PIK3C2G: variants seen among roughly 807,000 people sequenced by gnomAD.
The protein encoded by PIK3C2G is phosphatidylinositol 3-kinase C2 domain-containing subunit gamma.
In PIK3C2G, 168 loss-of-function variants were observed where a neutral mutation model predicts 181.1. That is an observed-to-expected ratio of 0.93 (90% confidence interval 0.82 to 1.05). The LOEUF (loss-of-function observed/expected upper bound fraction) is 1.05, where lower values mean the gene tolerates loss of function less well. PIK3C2G is among the 50% of genes least tolerant of loss of function. The pLI, the probability that PIK3C2G is intolerant of heterozygous loss-of-function variation, is 0.00. For synonymous variants in PIK3C2G, 573 were observed against 592.2 expected (o/e 0.97, Z 0.47); for missense variants, 1,869 against 1,732.8 (o/e 1.08, Z -1.40).
At position 18,491,620 on chromosome 12, in the gene PIK3C2G, T is replaced by C. The variant is rs1314956124; in HGVS notation, c.2793+62T>C. The C allele has an allele frequency of 7.5e-6, 7 of 928,854 alleles. 1 individual carries two copies. Among genetic ancestry groups the C allele is most frequent in the South Asian group, 4.7e-5 (3 of 63,330 alleles). 57.5% of individuals were successfully genotyped at this position (928,854 alleles called of 1,614,324 possible). A position where few individuals can be genotyped will look rare whatever the true frequency, so the allele number is the denominator to read the frequency against. ...CTGTTTTGTATAGTTTAGTTCATTGTATATGTTTGAAATGGCAAAAAGAAT... is the reference window on the plus strand; with the variant it reads ...CTGTTTTGTATAGTTTAGTTCATTGCATATGTTTGAAATGGCAAAAAGAAT... On this transcript the variant is annotated intron_variant, in intron 20 of 32. Coordinates refer to ENST00000538779, the MANE Select transcript of PIK3C2G (RefSeq NM_001288772.2).
intron 26 of PIK3C2G, among the ~76,000 whole-genome samples, chr12:18,547,753 T>C (rs979811450): frequency 3.3e-5 from 5 of 151,984 alleles, no homozygotes; most frequent in Admixed American, 3.3e-4. Flanking sequence ...AAATGCCCTT[T>C]AATAGTACAA....
chr12:18,623,307 T>G (rs1465310135), intron 31 of PIK3C2G, among the ~76,000 whole-genome samples: 2 of 151,830 alleles, frequency 1.3e-5, no homozygotes, highest in Non-Finnish European at 3.0e-5. Flanking sequence ...GGCTGTCCTT[T>G]TCTCATCGTA....
chr12:18,340,260 C>T (rs1939002178), intron 9 of PIK3C2G, among the ~76,000 whole-genome samples: 1 of 151,956 alleles, frequency 6.6e-6, no homozygotes, highest in South Asian at 2.1e-4. Context: ...ATAAAATACA[C>T]TAACGCTAAC....
rs561220345 is a variant in PIK3C2G at position 18,277,770 on chromosome 12, A to T, written c.-78-4234A>T. 7.9e-5 allele frequency among the ~76,000 whole-genome samples: 12 copies of T among 152,222 alleles called. No homozygotes were observed. In the South Asian group the frequency reaches 2.3e-3, roughly 29 times the overall value. ...TTGAATGATATTTACACCTTTATAG[A>T]TTTAAAAAATAGAAGCAGCTGGCAG... On this transcript the variant is annotated intron_variant, in intron 1 of 32. Coordinates refer to ENST00000538779, the MANE Select transcript of PIK3C2G (RefSeq NM_001288772.2).
chr12:18,566,698 G>A (rs1945653570), intron 28 of PIK3C2G, among the ~76,000 whole-genome samples: 4 of 152,060 alleles, frequency 2.6e-5, no homozygotes, highest in Non-Finnish European at 1.5e-5. Context: ...AATATAGTAA[G>A]AAGGGACATA....
intron 24 of PIK3C2G, among the ~76,000 whole-genome samples, chr12:18,512,347 A>C (rs953575090): frequency 5.9e-5 from 9 of 152,130 alleles, no homozygotes; most frequent in African/African-American, 1.7e-4. Flanking sequence ...GTGTGAAAAA[A>C]AAATGACATC....
chr12:18,360,275 A>G (rs146305780), intron 11 of PIK3C2G, among the ~76,000 whole-genome samples: 1 of 151,884 alleles, frequency 6.6e-6, no homozygotes, highest in African/African-American at 2.4e-5. Context: ...CTGTACTTCT[A>G]TTTCTCCTCC....
intron 11 of PIK3C2G, among the ~76,000 whole-genome samples, chr12:18,354,753 TA>T (rs1940564121): frequency 6.6e-6 from 1 of 151,960 alleles, no homozygotes; most frequent in Non-Finnish European, 1.5e-5. Context: ...TCCAGAAGAG[TA>T]TAAACTGGTG....
At chr12:18,571,409 G>A (rs1243409143) in intron 29 of PIK3C2G, among the ~76,000 whole-genome samples, 1 of 150,564 alleles carries the variant, frequency 6.6e-6, no homozygotes, top group Non-Finnish European at 1.5e-5. Context: ...TTGTCATCTT[G>A]ACTGGTTTTT....
intron 6 of PIK3C2G, among the ~76,000 whole-genome samples, chr12:18,316,328 A>G (rs1187760637): frequency 6.6e-6 from 1 of 152,152 alleles, no homozygotes; most frequent in Non-Finnish European, 1.5e-5. Context: ...CAATGTTGAG[A>G]AAAAAAGGTG....
At chr12:18,707,244 C>G in the PIK3C2G span, among the ~76,000 whole-genome samples, 2 of 152,060 alleles carry the variant, frequency 1.3e-5, no homozygotes, top group South Asian at 4.1e-4. Context: ...TTTTTGGAAG[C>G]CCTTATTTGA....
At chr12:18,681,451 A>G in the PIK3C2G span, among the ~76,000 whole-genome samples, 16 of 152,172 alleles carry the variant, frequency 1.1e-4, no homozygotes, top group South Asian at 2.9e-3. Flanking sequence ...AATCAAATCT[A>G]TCTTCTCACA....
At chr12:18,261,783 A>G (rs1591767133) in intron 1 of PIK3C2G, among the ~76,000 whole-genome samples, 1 of 152,116 alleles carries the variant, frequency 6.6e-6, no homozygotes, top group East Asian at 1.9e-4. Context: ...CAACCAGAAG[A>G]TAGATCTTTC....
At chr12:18,650,752 ATATATATATATAT>A (rs1950473496), downstream of PIK3C2G, among the ~76,000 whole-genome samples, 1 of 99,884 alleles carries the variant, frequency 1.0e-5, no homozygotes, top group African/African-American at 4.4e-5. Context: ...ATATATATAT[ATATATATATATAT>A]TCCAGTCCAT....
intron 18 of PIK3C2G, among the ~76,000 whole-genome samples, chr12:18,482,407 C>T (rs948209510): frequency 6.6e-6 from 1 of 152,080 alleles, no homozygotes; most frequent in African/African-American, 2.4e-5. Context: ...TCAAAGCTGG[C>T]TACCTTGGGG....
intron 8 of PIK3C2G, among the ~76,000 whole-genome samples, chr12:18,326,815 T>C (rs988116846): frequency 6.6e-6 from 1 of 152,158 alleles, no homozygotes; most frequent in Non-Finnish European, 1.5e-5. Flanking sequence ...TATTTTTGTC[T>C]CTTTACTATG....
At chr12:18,524,707 A>G (rs915549501) in intron 24 of PIK3C2G, among the ~76,000 whole-genome samples, 1 of 151,904 alleles carries the variant, frequency 6.6e-6, no homozygotes, top group Non-Finnish European at 1.5e-5. Flanking sequence ...CTGGGATTAC[A>G]GGTGCCCACC....
chr12:18,369,191 G>A (rs1941855087), intron 12 of PIK3C2G, among the ~76,000 whole-genome samples: 1 of 152,160 alleles, frequency 6.6e-6, no homozygotes, highest in Admixed American at 6.5e-5. Context: ...CACTCTTCAA[G>A]TCTCTTTGCT....
At chr12:18,702,450 C>A in the PIK3C2G span, among the ~76,000 whole-genome samples, 2 of 152,110 alleles carry the variant, frequency 1.3e-5, no homozygotes, top group Non-Finnish European at 2.9e-5. Context: ...CATTTAAGTA[C>A]CGGCTCTGTT....
Sources: gnomAD v4.1 joint callset for allele counts (sites outside exome capture counted in the v4.1 genomes callset) on GRCh38, gnomAD v4.1.1 for gene constraint, MANE v1.5 for transcripts, NCBI Gene and HGNC (gene_info 2026-07-23, HGNC 2026-07-21) for gene names.